The following GATAD2A variants were observed in gnomAD, a reference collection of about 807,000 sequenced individuals.
The protein encoded by GATAD2A is GATA zinc finger domain containing 2A.
A neutral mutation model predicts 68.5 loss-of-function variants in GATAD2A; 12 were observed. That is an observed-to-expected ratio of 0.18 (90% CI 0.11 to 0.28). The LOEUF (loss-of-function observed/expected upper bound fraction) is 0.28, where lower values mean the gene tolerates loss of function less well. GATAD2A is among the 10% of genes least tolerant of loss of function. GATAD2A has a pLI of 1.00. For synonymous variants in GATAD2A, 410 were observed against 375.3 expected (o/e 1.09, Z -1.07); for missense variants, 755 against 868.5 (o/e 0.87, Z 1.64).
At chr19:19,496,654 C>T (rs899762891) in intron 7 of GATAD2A, among the ~76,000 whole-genome samples, 7 of 152,230 alleles carry the variant, frequency 4.6e-5, no homozygotes, top group Non-Finnish European at 1.0e-4. Flanking sequence ...CGATTGCCTC[C>T]TCAGCAAATG....
chr19:19,504,598 C>CAAA (rs1411534971), intron 11 of GATAD2A, among the ~76,000 whole-genome samples: 1 of 150,370 alleles, frequency 6.7e-6, no homozygotes, highest in East Asian at 2.0e-4. Flanking sequence ...GACCAGTAAA[C>CAAA]AACAACAACA....
At chr19:19,431,832 G>T (rs1442478550) in intron 1 of GATAD2A, among the ~76,000 whole-genome samples, 1 of 152,054 alleles carries the variant, frequency 6.6e-6, no homozygotes, top group East Asian at 1.9e-4. Context: ...AAAGTTCATC[G>T]GCAACACAGT....
intron 1 of GATAD2A, among the ~76,000 whole-genome samples, chr19:19,456,710 C>T (rs551257781): frequency 2.0e-5 from 3 of 152,142 alleles, no homozygotes; most frequent in South Asian, 2.1e-4. Context: ...ACAGTAAAGT[C>T]GTAATCACTT....
intron 1 of GATAD2A, among the ~76,000 whole-genome samples, chr19:19,449,525 G>A (rs915375763): frequency 1.3e-5 from 2 of 151,176 alleles, no homozygotes; most frequent in Admixed American, 6.6e-5. Context: ...GGTTACTTGG[G>A]TATATATTAA....
At chr19:19,476,836 C>G (rs760210228) in intron 2 of GATAD2A, among the ~76,000 whole-genome samples, 1 of 152,214 alleles carries the variant, frequency 6.6e-6, no homozygotes, top group African/African-American at 2.4e-5. Context: ...GAATATGCCC[C>G]TGGAAGAAAA....
chr19:19,487,212 C>G (rs532749088), intron 2 of GATAD2A, among the ~76,000 whole-genome samples: 1 of 152,224 alleles, frequency 6.6e-6, no homozygotes, highest in Non-Finnish European at 1.5e-5. Context: ...CTGGATACCC[C>G]CTTGCCCTTT....
rs1394541132 is a variant in GATAD2A, at chr19:19,421,940, G to A, written c.-7+15921G>A. ...GGGTTCAAGCAGTTCTCCTGCCCCA[G>A]CCTCCCACGTAGCTGGGATTACAGG... is the stretch of plus-strand genomic sequence containing the variant. On this transcript the variant is annotated intron_variant, in intron 1 of 11. Transcript: ENST00000683918. 2.6e-5 allele frequency among the ~76,000 whole-genome samples: 4 copies of A among 151,956 alleles called. No homozygotes were observed. The East Asian group carries it at 7.7e-4, about 29-fold the overall frequency.
intron 1 of GATAD2A, among the ~76,000 whole-genome samples, chr19:19,399,227 C>T (rs1384426765): frequency 2.0e-5 from 3 of 151,958 alleles, no homozygotes; most frequent in Non-Finnish European, 2.9e-5. Context: ...CCATCTCAAA[C>T]AAACAAACAA....
At chr19:19,461,564 T>G (rs1278183313) in intron 1 of GATAD2A, among the ~76,000 whole-genome samples, 1 of 152,218 alleles carries the variant, frequency 6.6e-6, no homozygotes, top group East Asian at 1.9e-4. Flanking sequence ...CTATCTGCCC[T>G]AAAGCCCATG....
At position 19,495,845 on chromosome 19, in the gene GATAD2A, G is replaced by A; in HGVS notation, c.716G>A (p.Ser239Asn). 6.2e-7 allele frequency: 1 copy of A among 1,613,476 alleles called. No individual in the cohort carries two copies. The highest frequency in any genetic ancestry group is 8.5e-7 in the Non-Finnish European group (1 of 1,179,834). The change falls in exon 6 of 12, where the codon AGC (serine) becomes AAC (asparagine). Residue 239 changes from serine to asparagine, a missense_variant. Physicochemically the swap from Ser to Asn is conservative, Grantham distance 46 (BLOSUM62 1). Transcript: ENST00000683918. ...QASSKLGPQA[S>N]SQVVMPPLVR... is the part of the protein sequence containing the mutation. ...TCCTCGAAGCTGGGGCCACAGGCGA[G>A]CTCACAGGTCGTCATGCCCCCACTC... is the stretch of plus-strand genomic sequence containing the variant.
intron 1 of GATAD2A, among the ~76,000 whole-genome samples, chr19:19,426,200 A>G (rs2053074194): frequency 6.6e-6 from 1 of 152,206 alleles, no homozygotes; most frequent in Non-Finnish European, 1.5e-5. Context: ...CTCAGGGCTC[A>G]TACCCAGCCG....
At chr19:19,386,666 CCCCCGTCTCTCCGAGGGGAG>C in intron 1 of GATAD2A, among the ~76,000 whole-genome samples, 1 of 151,922 alleles carries the variant, frequency 6.6e-6, no homozygotes, top group Middle Eastern at 3.4e-3. Context: ...CTCTAGGGAA[CCCCCGTCTCTCCGAGGGGAG>C]CCCTGTCTCT....
chr19:19,407,125 C>T (rs949713165), intron 1 of GATAD2A, among the ~76,000 whole-genome samples: 1 of 152,220 alleles, frequency 6.6e-6, no homozygotes, highest in East Asian at 1.9e-4. Context: ...GTGACACCTC[C>T]TGGCTGTGGC....
At chr19:19,422,304 C>T (rs890732136) in intron 1 of GATAD2A, among the ~76,000 whole-genome samples, 2 of 152,182 alleles carry the variant, frequency 1.3e-5, no homozygotes, top group Non-Finnish European at 2.9e-5. Context: ...GCGGTTTGGC[C>T]TTTGCTATCT....
At chr19:19,422,078 C>T (rs1033041487) in intron 1 of GATAD2A, among the ~76,000 whole-genome samples, 1 of 152,204 alleles carries the variant, frequency 6.6e-6, no homozygotes, top group Non-Finnish European at 1.5e-5. Flanking sequence ...CCTCCTTGGC[C>T]TCCCAAAGTG....
intron 1 of GATAD2A, among the ~76,000 whole-genome samples, chr19:19,410,546 G>T (rs186016784): frequency 2.0e-5 from 3 of 152,236 alleles, no homozygotes; most frequent in Admixed American, 1.3e-4. Context: ...TGCGTGGCCT[G>T]CCTTGCCGGT....
chr19:19,412,230 A>G lies in GATAD2A; in HGVS notation c.-7+6211A>G, dbSNP rs139401002. 5.2e-3 allele frequency among the ~76,000 whole-genome samples: 790 copies of G among 150,642 alleles called. 6 individuals are homozygous for G. Among genetic ancestry groups the G allele is most frequent in the South Asian group, 0.041 (195 of 4,776 alleles). ...GAGTGCAGTGACGCGATCTCAGCTC[A>G]CTGCAAGCTCCGCCTCCGGGGTTCA... On this transcript the variant is annotated intron_variant, in intron 1 of 11. Transcript: ENST00000683918.
chr19:19,504,318 T>C (rs949731385), intron 11 of GATAD2A, among the ~76,000 whole-genome samples: 1 of 152,258 alleles, frequency 6.6e-6, no homozygotes, highest in Non-Finnish European at 1.5e-5. Context: ...TCATGGAAAT[T>C]TGGAAAATAC....
Position 19,465,387 on chromosome 19 carries a change from G to T in GATAD2A, c.42G>T (p.Ala14=), listed in dbSNP as rs916617208. The T allele has an allele frequency of 6.2e-7, 1 of 1,613,952 alleles. No individual in the cohort carries two copies. The highest frequency in any genetic ancestry group is 1.7e-5 in the Admixed American group (1 of 60,024). The part of the protein sequence containing the change: ...EACRTRSQKR[A]LERDPTEDDV... ...GCCGAACACGGAGTCAGAAACGAGC[G>T]CTTGAACGGGACCCAACAGAGGACG... The change falls in exon 2 of 12, where the codon GCG becomes GCT. Residue 14 remains alanine (A), a synonymous_variant. Coordinates refer to ENST00000683918, the MANE Select transcript of GATAD2A (RefSeq NM_001384528.1).
Sources: allele counts gnomAD v4.1 joint callset (sites outside exome capture counted in the v4.1 genomes callset), GRCh38; gene constraint gnomAD v4.1.1; transcripts MANE v1.5; gene names NCBI Gene and HGNC (gene_info 2026-07-23, HGNC 2026-07-21).